Variants in DNAH17 observed in about 807,000 individuals in gnomAD.
The protein encoded by DNAH17 is dynein axonemal heavy chain 17, also known as axonemal beta dynein heavy chain 17.
DNAH17 carries 376 observed loss-of-function variants against 485.6 expected under a neutral mutation model. The ratio of observed to expected loss-of-function variants is 0.77; its 90% CI spans 0.71 to 0.84. DNAH17 has a LOEUF of 0.84. DNAH17 is among the 40% of genes least tolerant of loss of function. DNAH17 has a pLI of 0.00. For missense variants in DNAH17, 6,370 were observed against 5,839.3 expected (o/e 1.09, Z -2.96); for synonymous variants, 3,031 against 2,405.9 (o/e 1.26, Z -7.60).
intron 64 of DNAH17, among the ~76,000 whole-genome samples, chr17:78,454,250 T>C (rs1399454228): frequency 6.6e-6 from 1 of 152,168 alleles, no homozygotes; most frequent in East Asian, 1.9e-4. Flanking sequence ...CGTCTCACTC[T>C]CCTTTCCCTG....
Position 78,426,482 on chromosome 17 carries a change from T to A in DNAH17, c.12890A>T (p.Tyr4297Phe). The A allele has an allele frequency of 1.9e-6, 3 of 1,610,788 alleles. No homozygotes were observed. The highest frequency in any genetic ancestry group is 2.5e-6 in the Non-Finnish European group (3 of 1,178,584). Residue 4297 changes from tyrosine (Y) to phenylalanine (F), a missense_variant, in exon 79 of 81, where the codon TAC (tyrosine) becomes TTC (phenylalanine). Transcript: ENST00000389840. ...CCTGATGCGGAGCAGCAGGTCTGCGTACCAGGCCGCCAGGCCCATCATGGA... is the reference window on the plus strand; with the variant it reads ...CCTGATGCGGAGCAGCAGGTCTGCGAACCAGGCCGCCAGGCCCATCATGGA... ...YPSMMGLAAW[Y>F]ADLLLRIREL...
intron 43 of DNAH17, 48 bp downstream of exon 43, chr17:78,491,395 G>A (rs1301898451): frequency 6.3e-7 from 1 of 1,598,632 alleles, no homozygotes; most frequent in African/African-American, 1.3e-5. Context: ...AGCCCCCGTT[G>A]TCCCTGCCTT....
chr17:78,461,417 C>T, intron 58 of DNAH17, 127 bp downstream of exon 58: 1 of 1,059,082 alleles, frequency 9.4e-7, no homozygotes, highest in Admixed American at 3.7e-5. Flanking sequence ...GTTTAGGAAC[C>T]TTGTCCTTCT....
chr17:78,440,735 C>G (rs2087042349), intron 72 of DNAH17, among the ~76,000 whole-genome samples: 1 of 152,174 alleles, frequency 6.6e-6, no homozygotes, highest in Non-Finnish European at 1.5e-5. Context: ...ATTTCCAGTT[C>G]TTTTGGGTGT....
chr17:78,479,829 A>G (rs933710104), intron 49 of DNAH17, among the ~76,000 whole-genome samples, 197 bp from the exon 50 acceptor site: 1 of 152,046 alleles, frequency 6.6e-6, no homozygotes, highest in African/African-American at 2.4e-5. Context: ...AAACAGACAA[A>G]TTTACTTCAT....
At position 78,490,582 on chromosome 17, in the gene DNAH17, G is replaced by A. The variant is rs1287746641; in HGVS notation, c.6818+117C>T. 14 of 1,401,220 alleles carry A rather than the reference G, an allele frequency of 1.0e-5. 1 individual carries two copies. The South Asian group carries it at 1.3e-4, about 13-fold the overall frequency. 86.8% of individuals were successfully genotyped at this position (1,401,220 alleles called of 1,614,324 possible). ...CTGCTGTGACACTGGTGCCTGGTGA[G>A]GGCCTGATACACAGTTTGTGACATG... On this transcript the variant is annotated intron_variant, in intron 44 of 80. Coordinates refer to ENST00000389840, the MANE Select transcript of DNAH17 (RefSeq NM_173628.4).
chr17:78,565,813 G>A (rs974943468), intron 11 of DNAH17, among the ~76,000 whole-genome samples: 1 of 152,126 alleles, frequency 6.6e-6, no homozygotes, highest in African/African-American at 2.4e-5. Context: ...AGCCAGGTGT[G>A]GTGGCGTATG....
chr17:78,575,829 G>C (rs1325287433), intron 1 of DNAH17, among the ~76,000 whole-genome samples: 1 of 152,214 alleles, frequency 6.6e-6, no homozygotes, highest in Non-Finnish European at 1.5e-5. Flanking sequence ...CAGTCATCAA[G>C]AGAAAAGGCA....
Position 78,450,833 on chromosome 17 carries a change from T to A in DNAH17, c.10748A>T (p.Lys3583Met). Residue 3583 changes from lysine to methionine, a missense_variant, in exon 67 of 81, where the codon AAG becomes ATG. Transcript: ENST00000389840. ...DLEQLKANLT[K>M]SQNEFKIVLK... Reference sequence around the variant, plus strand: ...AACAATCTTAAATTCGTTTTGAGACTTGGTGAGGTTTGCCTGCAAGGGGAG... The same window carrying A: ...AACAATCTTAAATTCGTTTTGAGACATGGTGAGGTTTGCCTGCAAGGGGAG... 6.2e-7 allele frequency: 1 copy of A among 1,613,964 alleles called. No homozygotes were observed. Among genetic ancestry groups the A allele is most frequent in the Non-Finnish European group, 8.5e-7 (1 of 1,179,880 alleles).
In DNAH17 at chr17:78,431,448, A is replaced by ACCCCC. The variant is rs537043508; in HGVS notation, c.12226-2153_12226-2149dup. On this transcript the variant is annotated intron_variant, in intron 75 of 80. Transcript: ENST00000389840. ...TGCATTTCCCGTACCTGCTGAGGGAACCCCCCACCCCGAGACTCCTGGGGG... is the reference window on the plus strand; with the variant it reads ...TGCATTTCCCGTACCTGCTGAGGGAACCCCCCCCCCCACCCCGAGACTCCTGGGGG... 6.2e-3 allele frequency among the ~76,000 whole-genome samples: 846 copies of ACCCCC among 136,052 alleles called. 26 individuals carry two copies. Among genetic ancestry groups the ACCCCC allele is most frequent in the South Asian group, 0.01 (43 of 4,178 alleles). The allele number at this position is 136,052 out of a possible 152,430, so 89.3% of individuals were successfully genotyped here. A position where few individuals can be genotyped will look rare whatever the true frequency, so the allele number is the denominator to read the frequency against.
intron 20 of DNAH17, among the ~76,000 whole-genome samples, chr17:78,532,263 T>A (rs1377686307): frequency 6.6e-6 from 1 of 152,212 alleles, no homozygotes; most frequent in Non-Finnish European, 1.5e-5. Context: ...CTGACCCTGA[T>A]GCTACCCCGT....
chr17:78,488,443 C>CT (rs1415159202), intron 44 of DNAH17, among the ~76,000 whole-genome samples: 1 of 152,200 alleles, frequency 6.6e-6, no homozygotes, highest in Non-Finnish European at 1.5e-5. Context: ...TGTCCAGTTC[C>CT]TGCCTTGGCC....
chr17:78,439,299 C>T, intron 72 of DNAH17, 82 bp from the exon 73 acceptor site: 2 of 1,448,654 alleles, frequency 1.4e-6, no homozygotes, highest in East Asian at 2.3e-5. Flanking sequence ...GCCAGGAATT[C>T]CACATGCCTC....
At chr17:78,448,957 T>G (rs1215484142) in intron 69 of DNAH17, among the ~76,000 whole-genome samples, 1 of 152,232 alleles carries the variant, frequency 6.6e-6, no homozygotes, top group Non-Finnish European at 1.5e-5. Flanking sequence ...CAAAACAAAT[T>G]AAGACAGGCT....
At chr17:78,456,445 C>A (rs1354874845) in intron 62 of DNAH17, among the ~76,000 whole-genome samples, 1 of 152,202 alleles carries the variant, frequency 6.6e-6, no homozygotes, top group Non-Finnish European at 1.5e-5. Context: ...CATTTGATTG[C>A]CTCTCTCCTG....
intron 14 of DNAH17, among the ~76,000 whole-genome samples, chr17:78,557,661 A>AAAAAAAAAAAAAAAAAAAAC (rs2092056118): frequency 6.6e-6 from 1 of 150,444 alleles, no homozygotes; most frequent in East Asian, 1.9e-4. Context: ...AAAAAAAAAA[A>AAAAAAAAAAAAAAAAAAAAC]AAGTAACGTA....
At chr17:78,527,195 C>A (rs534973869) in intron 22 of DNAH17, among the ~76,000 whole-genome samples, 199 bp from the exon 23 acceptor site, 1 of 152,116 alleles carries the variant, frequency 6.6e-6, no homozygotes, top group South Asian at 2.1e-4. Context: ...CCAGCCTGGG[C>A]AACAAAGTGA....
At chr17:78,447,215 C>T (rs1889264618) in intron 69 of DNAH17, among the ~76,000 whole-genome samples, 1 of 152,234 alleles carries the variant, frequency 6.6e-6, no homozygotes, top group Non-Finnish European at 1.5e-5. Context: ...GCATGAGCCT[C>T]AGTGCCCGGC....
Position 78,572,891 on chromosome 17 carries a change from G to A in DNAH17, c.349C>T (p.Leu117Phe). ...DQLIAVVEEV[L>F]SSLLNQSENM... ...TCACTTTGGTTTAACAGAGAAGAGAGGACCTAAAAGGAAACACTTCTGTGG... is the reference window on the plus strand; with the variant it reads ...TCACTTTGGTTTAACAGAGAAGAGAAGACCTAAAAGGAAACACTTCTGTGG... Residue 117 changes from leucine (L) to phenylalanine (F), a missense_variant, in exon 3 of 81, where the codon CTC (leucine) becomes TTC (phenylalanine). By Grantham distance (22) the Leu-to-Phe change is conservative. Transcript: ENST00000389840. 1.2e-6 allele frequency: 2 copies of A among 1,613,106 alleles called. No homozygotes were observed. Among genetic ancestry groups the A allele is most frequent in the Non-Finnish European group, 1.7e-6 (2 of 1,179,530 alleles).
Sources: allele counts gnomAD v4.1 joint callset (sites outside exome capture counted in the v4.1 genomes callset), GRCh38; gene constraint gnomAD v4.1.1; transcripts MANE v1.5; gene names NCBI Gene and HGNC (gene_info 2026-07-23, HGNC 2026-07-21).